Variants in GPC5 observed in about 807,000 individuals in gnomAD.
GPC5 encodes the protein glypican 5.
GPC5 carries 47 observed loss-of-function variants against 53.9 expected under a neutral mutation model. That is an observed-to-expected ratio of 0.87 (90% CI 0.69 to 1.11). The LOEUF is 1.11. Ranked by LOEUF, GPC5 falls within the 50% of genes most tolerant of loss-of-function variation. The pLI, the probability that GPC5 is intolerant of heterozygous loss-of-function variation, is 0.00. For missense variants in GPC5, 748 were observed against 713.1 expected (o/e 1.05, Z -0.56); for synonymous variants, 286 against 263.3 (o/e 1.09, Z -0.84).
intron 7 of GPC5, among the ~76,000 whole-genome samples, chr13:92,720,437 T>C (rs957198298): frequency 2.6e-5 from 4 of 152,144 alleles, no homozygotes; most frequent in African/African-American, 9.7e-5. Context: ...TTCCAAATAT[T>C]TGATTTTTCA....
rs145218444 is a variant in GPC5, at chr13:92,417,870, G to A, written c.1561+272881G>A. On this transcript the variant is annotated intron_variant, in intron 7 of 7. Coordinates refer to ENST00000377067, the MANE Select transcript of GPC5 (RefSeq NM_004466.6). Reference sequence around the variant, plus strand: ...TGCACCACTGCATTCTAGCTTGGGCGACAGAGTGAGACCCTGTCTCAGAAA... The same window carrying A: ...TGCACCACTGCATTCTAGCTTGGGCAACAGAGTGAGACCCTGTCTCAGAAA... 2.9e-3 allele frequency among the ~76,000 whole-genome samples: 441 copies of A among 152,246 alleles called. 2 individuals carry two copies. Among genetic ancestry groups the A allele is most frequent in the African/African-American group, 9.7e-3 (403 of 41,546 alleles).
chr13:92,109,166 A>G (rs544821267), intron 6 of GPC5, among the ~76,000 whole-genome samples: 3 of 146,092 alleles, frequency 2.1e-5, no homozygotes, highest in Non-Finnish European at 4.5e-5. Context: ...TCCTGGGCTC[A>G]GGCAAACTTC....
At chr13:91,831,200 G>A (rs2038653701) in intron 5 of GPC5, among the ~76,000 whole-genome samples, 2 of 150,622 alleles carry the variant, frequency 1.3e-5, no homozygotes, top group South Asian at 4.2e-4. Flanking sequence ...AGCAAGGAGA[G>A]CCAGTCCGAG....
chr13:92,524,300 T>C (rs996759706), intron 7 of GPC5, among the ~76,000 whole-genome samples: 3 of 152,114 alleles, frequency 2.0e-5, no homozygotes, highest in Admixed American at 2.0e-4. Context: ...AATGATTTTA[T>C]CTCAAGAAAC....
At chr13:91,962,561 G>A (rs2040135828) in intron 6 of GPC5, among the ~76,000 whole-genome samples, 1 of 152,010 alleles carries the variant, frequency 6.6e-6, no homozygotes, top group South Asian at 2.1e-4. Flanking sequence ...CACAGTCTTA[G>A]TATTAGTTTA....
chr13:92,276,069 G>C (rs1311838267), intron 7 of GPC5, among the ~76,000 whole-genome samples: 1 of 152,108 alleles, frequency 6.6e-6, no homozygotes, highest in Non-Finnish European at 1.5e-5. Flanking sequence ...CTGTCAACTT[G>C]ATTGGGAAGA....
intron 2 of GPC5, among the ~76,000 whole-genome samples, chr13:91,495,984 C>G (rs1884235298): frequency 6.6e-6 from 1 of 151,940 alleles, no homozygotes; most frequent in Admixed American, 6.6e-5. Flanking sequence ...GATAGCACCA[C>G]TGCACTTCAG....
At chr13:92,286,154 A>G (rs74800231) in intron 7 of GPC5, among the ~76,000 whole-genome samples, 12,993 of 152,242 alleles carry the variant, frequency 0.085, 614 homozygotes, top group Middle Eastern at 0.12. Context: ...ATCACTGGCC[A>G]TCAGAGAAAT....
At chr13:91,737,173 T>G (rs2140050720) in intron 4 of GPC5, among the ~76,000 whole-genome samples, 1 of 151,514 alleles carries the variant, frequency 6.6e-6, no homozygotes, top group Non-Finnish European at 1.5e-5. Flanking sequence ...TCCTGGAATC[T>G]CCTGTTTTTA....
intron 6 of GPC5, among the ~76,000 whole-genome samples, chr13:92,074,274 G>A (rs2041235780): frequency 6.6e-6 from 1 of 152,280 alleles, no homozygotes; most frequent in East Asian, 1.9e-4. Flanking sequence ...AGAAGTGAAA[G>A]TTGGATACCA....
chr13:91,914,979 C>T (rs188759050), intron 6 of GPC5, among the ~76,000 whole-genome samples: 2 of 152,200 alleles, frequency 1.3e-5, no homozygotes, highest in East Asian at 1.9e-4. Context: ...AATTCTTTGA[C>T]GGTAGCATGT....
At chr13:92,799,704 G>T (rs935457576) in intron 7 of GPC5, among the ~76,000 whole-genome samples, 3 of 151,678 alleles carry the variant, frequency 2.0e-5, no homozygotes, top group Non-Finnish European at 4.4e-5. Flanking sequence ...TTGACTGTTT[G>T]TGTTAATACT....
chr13:91,938,066 G>A (rs977675641), intron 6 of GPC5, among the ~76,000 whole-genome samples: 2 of 151,980 alleles, frequency 1.3e-5, no homozygotes, highest in African/African-American at 2.4e-5. Flanking sequence ...TGAGATTTGT[G>A]GCAGCCTAGA....
At chr13:91,671,780 C>CAAAAAAAAAA (rs55758033) in intron 2 of GPC5, among the ~76,000 whole-genome samples, 132 of 33,110 alleles carry the variant, frequency 4.0e-3, no homozygotes, top group Non-Finnish European at 5.3e-3. Flanking sequence ...CAATCTGAAG[C>CAAAAAAAAAA]AAAAAAAAAA....
intron 2 of GPC5, among the ~76,000 whole-genome samples, chr13:91,494,163 T>C (rs772978963): frequency 6.6e-6 from 1 of 152,010 alleles, no homozygotes; most frequent in Non-Finnish European, 1.5e-5. Context: ...GTGCTGAGAT[T>C]ACAGGCATGA....
chr13:92,627,994 T>G (rs571670965), intron 7 of GPC5, among the ~76,000 whole-genome samples: 7 of 152,268 alleles, frequency 4.6e-5, no homozygotes, highest in African/African-American at 1.7e-4. Context: ...ATACCTAGAC[T>G]GAAGGTGTTG....
In GPC5 at chr13:92,473,298, G is replaced by A. The variant is rs184528827; in HGVS notation, c.1561+328309G>A. 2.0e-3 allele frequency among the ~76,000 whole-genome samples: 310 copies of A among 152,174 alleles called. 2 individuals carry two copies. Among genetic ancestry groups the A allele is most frequent in the South Asian group, 3.7e-3 (18 of 4,820 alleles). ...ACAGACTTTGAGTTTTGTGTTTCAG[G>A]AGTTATGGGTTGCAATGTTTTATTT... On this transcript the variant is annotated intron_variant, in intron 7 of 7. Coordinates refer to ENST00000377067, the MANE Select transcript of GPC5 (RefSeq NM_004466.6).
chr13:91,586,509 T>G (rs1355440791), intron 2 of GPC5, among the ~76,000 whole-genome samples: 1 of 5,234 alleles, frequency 1.9e-4, no homozygotes, highest in African/African-American at 2.4e-3. Flanking sequence ...GATATATATA[T>G]ATATATATAT....
intron 7 of GPC5, among the ~76,000 whole-genome samples, chr13:92,216,021 T>C (rs2042407236): frequency 6.6e-6 from 1 of 152,130 alleles, no homozygotes; most frequent in Non-Finnish European, 1.5e-5. Context: ...GAAGGCTGTA[T>C]CTAATACTAG....
Sources: allele counts gnomAD v4.1 joint callset (sites outside exome capture counted in the v4.1 genomes callset), GRCh38; gene constraint gnomAD v4.1.1; transcripts MANE v1.5; gene names NCBI Gene and HGNC (gene_info 2026-07-23, HGNC 2026-07-21).